Variants in USH2A observed in about 807,000 individuals in gnomAD.
The protein encoded by USH2A is Usher syndrome 2A (autosomal recessive, mild).
USH2A carries 443 observed loss-of-function variants against 538.9 expected under a neutral mutation model. That is an observed-to-expected ratio of 0.82 (90% CI 0.76 to 0.89). USH2A has a LOEUF of 0.89. Among genes scored for constraint, USH2A ranks in the 40% least tolerant of loss-of-function variants. The probability of loss-of-function intolerance (pLI) is 0.00; values close to 1 mark genes in which losing one functional copy is unlikely to be tolerated. For synonymous variants in USH2A, 2,413 were observed against 2,273.5 expected (o/e 1.06, Z -1.75); for missense variants, 6,633 against 6,324.8 (o/e 1.05, Z -1.65).
At chr1:215,977,308 T>A (rs1021577446) in intron 35 of USH2A, among the ~76,000 whole-genome samples, 1 of 152,114 alleles carries the variant, frequency 6.6e-6, no homozygotes, top group Admixed American at 6.6e-5. Context: ...TTGAGGTAGC[T>A]ATTTAGCACA....
chr1:215,713,814 T>C (rs1449290308), intron 61 of USH2A, among the ~76,000 whole-genome samples: 1 of 152,240 alleles, frequency 6.6e-6, no homozygotes, highest in East Asian at 1.9e-4. Context: ...ATGTTTAGCT[T>C]TTCATAAATA....
intron 11 of USH2A, among the ~76,000 whole-genome samples, chr1:216,260,018 G>T (rs965532928): frequency 6.6e-6 from 1 of 151,958 alleles, no homozygotes; most frequent in Admixed American, 6.6e-5. Context: ...CAAGAGGATC[G>T]ATTTAAAAAA....
intron 15 of USH2A, among the ~76,000 whole-genome samples, chr1:216,209,055 G>T (rs2035180417): frequency 6.6e-6 from 1 of 152,142 alleles, no homozygotes; most frequent in African/African-American, 2.4e-5. Flanking sequence ...ATCAGTTCTG[G>T]GGATAGTGGG....
intron 64 of USH2A, among the ~76,000 whole-genome samples, chr1:215,654,694 A>G (rs901636966): frequency 6.6e-6 from 1 of 152,234 alleles, no homozygotes; most frequent in Non-Finnish European, 1.5e-5. Flanking sequence ...CATAAAAACT[A>G]AAATTGTTTA....
At chr1:215,911,563 T>A (rs945318928) in intron 38 of USH2A, among the ~76,000 whole-genome samples, 1 of 152,108 alleles carries the variant, frequency 6.6e-6, no homozygotes, top group Non-Finnish European at 1.5e-5. Flanking sequence ...TGAATAGTAC[T>A]CCATTGTATA....
In USH2A at chr1:216,289,393, A is replaced by G. The variant is rs536872545; in HGVS notation, c.1858T>C (p.Cys620Arg). 3 of 1,613,942 alleles carry G rather than the reference A, an allele frequency of 1.9e-6. No individual in the cohort carries two copies. In the South Asian group the frequency reaches 3.3e-5, roughly 18 times the overall value. The stretch of plus-strand genomic sequence containing the variant: ...ACTTGTCGGAAAAAGTAATCCTTGC[A>G]CAGCTCACAGTTCCTTCCTGCATCA... Reference protein sequence around the residue: ...HNTTGRNCELCKDYFFRQVGA... With the variant: ...HNTTGRNCELRKDYFFRQVGA... Residue 620 changes from cysteine (C) to arginine (R), a missense_variant, in exon 11 of 72, where the codon TGC (cysteine) becomes CGC (arginine). Physicochemically the swap from Cys to Arg is radical, Grantham distance 180 (BLOSUM62 -3). Coordinates refer to ENST00000307340, the MANE Select transcript of USH2A (RefSeq NM_206933.4).
At chr1:216,084,623 A>G (rs576405558) in intron 25 of USH2A, 75 bp downstream of exon 25, 3 of 1,527,154 alleles carry the variant, frequency 2.0e-6, no homozygotes, top group African/African-American at 2.7e-5. Context: ...AGTTAATCAA[A>G]CAGGAGAGAT....
chr1:216,257,391 T>G (rs1039502819), intron 11 of USH2A, among the ~76,000 whole-genome samples: 4 of 152,066 alleles, frequency 2.6e-5, no homozygotes, highest in Non-Finnish European at 4.4e-5. Context: ...GGAAATCTGT[T>G]GTCATTCTTA....
At chr1:215,642,051 T>A (rs1290152203) in intron 67 of USH2A, among the ~76,000 whole-genome samples, 1 of 152,146 alleles carries the variant, frequency 6.6e-6, no homozygotes, top group Non-Finnish European at 1.5e-5. Flanking sequence ...ACAGCACAGA[T>A]AAAGAAACAG....
rs368692950 is a variant in USH2A at position 215,625,842 on chromosome 1, G to A, written c.15548C>T (p.Ala5183Val). ...AGTCACTGAGCTGAAATCCTTGATG[G>A]CGTTCATCAGGTCCTCTTCATCCAC... is the stretch of plus-strand genomic sequence containing the variant. The part of the protein sequence containing the change: ...LYVDEEDLMN[A>V]IKDFSSVTKE... Residue 5183 changes from alanine to valine, a missense_variant, in exon 72 of 72, where the codon GCC becomes GTC. By Grantham distance (64) the Ala-to-Val change is moderately conservative. Coordinates refer to ENST00000307340, the MANE Select transcript of USH2A (RefSeq NM_206933.4). 4.3e-6 allele frequency: 7 copies of A among 1,614,044 alleles called. No homozygotes were observed. In the Admixed American group the frequency reaches 5.0e-5, roughly 12 times the overall value.
intron 11 of USH2A, among the ~76,000 whole-genome samples, chr1:216,281,875 T>TG (rs2036788680): frequency 6.7e-6 from 1 of 148,428 alleles, no homozygotes; most frequent in African/African-American, 2.5e-5. Flanking sequence ...GTTTTTTTTT[T>TG]TTTTTTTTTT....
chr1:216,162,156 G>T (rs2102629407), intron 21 of USH2A, among the ~76,000 whole-genome samples: 1 of 151,184 alleles, frequency 6.6e-6, no homozygotes, highest in East Asian at 1.9e-4. Context: ...TTTCCTTCTG[G>T]GTCCTCAAAT....
intron 64 of USH2A, among the ~76,000 whole-genome samples, chr1:215,654,165 A>T (rs1392342670): frequency 6.6e-6 from 1 of 152,162 alleles, no homozygotes; most frequent in African/African-American, 2.4e-5. Context: ...TAGACTGAAC[A>T]TATATATATT....
chr1:216,120,947 C>T (rs1411519527), intron 21 of USH2A, among the ~76,000 whole-genome samples: 2 of 130,438 alleles, frequency 1.5e-5, no homozygotes, highest in South Asian at 2.9e-4. Flanking sequence ...TTTACATCCC[C>T]AAACATTATT....
chr1:215,974,808 C>T (rs1181932262), intron 35 of USH2A, among the ~76,000 whole-genome samples: 2 of 152,058 alleles, frequency 1.3e-5, no homozygotes, highest in African/African-American at 4.8e-5. Flanking sequence ...CACACGAGTG[C>T]ATGTTTCTTT....
At chr1:215,816,880 C>G (rs1407626081) in intron 48 of USH2A, 117 bp downstream of exon 48, 1 of 1,156,546 alleles carries the variant, frequency 8.6e-7, no homozygotes, top group East Asian at 2.4e-5. Context: ...GTGGAGTCTT[C>G]TTCATAGAGT....
intron 25 of USH2A, 51 bp from the exon 26 acceptor site, chr1:216,083,637 A>T: frequency 6.3e-7 from 1 of 1,590,346 alleles, no homozygotes; most frequent in Non-Finnish European, 8.6e-7. Context: ...CAATATTGCC[A>T]GCATTGTAAG....
Position 215,698,391 on chromosome 1 carries a change from A to G in USH2A, c.12067-18015T>C, listed in dbSNP as rs989228794. ...ATTTCTGGGTCTAGATCCTTGAGGA[A>G]TCACCACACTGTCTTCCACAATGGT... On this transcript the variant is annotated intron_variant, in intron 61 of 71. Transcript: ENST00000307340. Among the ~76,000 whole-genome samples, 6 of 152,294 alleles carry G rather than the reference A, an allele frequency of 3.9e-5. No homozygotes were observed. The East Asian group carries it at 1.2e-3, about 29-fold the overall frequency.
intron 30 of USH2A, among the ~76,000 whole-genome samples, chr1:216,057,649 T>A (rs1170300556): frequency 6.6e-6 from 1 of 152,034 alleles, no homozygotes; most frequent in Non-Finnish European, 1.5e-5. Context: ...ATGGTGCCAA[T>A]GCACTCCAGC....
Sources: gnomAD v4.1 joint callset for allele counts (sites outside exome capture counted in the v4.1 genomes callset) on GRCh38, gnomAD v4.1.1 for gene constraint, MANE v1.5 for transcripts, NCBI Gene and HGNC (gene_info 2026-07-23, HGNC 2026-07-21) for gene names.